FAM120B: variants seen among roughly 807,000 people sequenced by gnomAD.
FAM120B encodes the protein constitutive coactivator of peroxisome proliferator-activated receptor gamma.
A neutral mutation model predicts 96.3 loss-of-function variants in FAM120B; 83 were observed. The ratio of observed to expected loss-of-function variants is 0.86; its 90% confidence interval spans 0.72 to 1.03. The LOEUF (loss-of-function observed/expected upper bound fraction) is 1.03, where lower values mean the gene tolerates loss of function less well. Among genes scored for constraint, FAM120B ranks in the 50% least tolerant of loss-of-function variants. The pLI is 0.00. For missense variants in FAM120B, 1,027 were observed against 1,121.2 expected, an observed-to-expected ratio of 0.92 and a Z score of 1.20; for synonymous variants, 407 against 402.7, an observed-to-expected ratio of 1.01 and a Z score of -0.13.
chr6:170,393,189 T>C (rs1401248923), intron 8 of FAM120B, among the ~76,000 whole-genome samples: 1 of 148,986 alleles, frequency 6.7e-6, no homozygotes, highest in African/African-American at 2.5e-5. Context: ...TACACAGTCC[T>C]GCAGGGTTCC....
At chr6:170,345,097 C>A (rs1787090305) in intron 4 of FAM120B, among the ~76,000 whole-genome samples, 2 of 152,298 alleles carry the variant, frequency 1.3e-5, no homozygotes, top group Non-Finnish European at 2.9e-5. Flanking sequence ...TCCTGTGGTG[C>A]CTGGCATGTG....
chr6:170,383,339 T>TA (rs1790020421), intron 6 of FAM120B, among the ~76,000 whole-genome samples: 1 of 152,200 alleles, frequency 6.6e-6, no homozygotes, highest in Non-Finnish European at 1.5e-5. Context: ...AATTCAAAAT[T>TA]AAAAATGTCG....
chr6:170,325,556 G>C (rs1785537908), intron 3 of FAM120B, among the ~76,000 whole-genome samples: 1 of 148,734 alleles, frequency 6.7e-6, no homozygotes, highest in African/African-American at 2.5e-5. Context: ...AAAAAAAGTA[G>C]TTGGCCGGGC....
Position 170,405,630 on chromosome 6 carries a change from A to C in FAM120B, c.*879A>C, listed in dbSNP as rs577199553. 2.6e-5 allele frequency: 4 copies of C among 152,374 alleles called. No homozygotes were observed. The highest frequency in any genetic ancestry group is 1.9e-4 in the East Asian group (1 of 5,190). The allele number at this position is 152,374 out of a possible 1,614,324, so 9.4% of individuals were successfully genotyped here. A position where few individuals can be genotyped will look rare whatever the true frequency, so the allele number is the denominator to read the frequency against. On this transcript the variant is annotated 3_prime_UTR_variant, in exon 11 of 11. Transcript: ENST00000476287. ...CTTTTCTAATCAGAAATTCTAATCA[A>C]ACATAAGTTTCCAACTATGTGTTCT...
At chr6:170,379,777 TA>T (rs1456000294) in intron 6 of FAM120B, among the ~76,000 whole-genome samples, 2 of 152,246 alleles carry the variant, frequency 1.3e-5, no homozygotes, top group African/African-American at 4.8e-5. Flanking sequence ...CAGGCTGCCA[TA>T]AAGATTGATA....
chr6:170,347,144 A>G (rs1254812590), intron 4 of FAM120B, among the ~76,000 whole-genome samples: 2 of 152,104 alleles, frequency 1.3e-5, no homozygotes, highest in Non-Finnish European at 2.9e-5. Context: ...AAAGAGAAGA[A>G]TTTCCTTTTT....
chr6:170,401,550 C>T (rs567499411), intron 9 of FAM120B, among the ~76,000 whole-genome samples: 8 of 152,222 alleles, frequency 5.3e-5, no homozygotes, highest in African/African-American at 1.9e-4. Flanking sequence ...GCCGCTGTCC[C>T]CTGCAGGAGC....
chr6:170,334,811 C>G (rs1032696687), intron 4 of FAM120B, among the ~76,000 whole-genome samples: 1 of 152,178 alleles, frequency 6.6e-6, no homozygotes, highest in African/African-American at 2.4e-5. Flanking sequence ...TTTATAGCCA[C>G]TTTCACTGTT....
chr6:170,330,979 G>A (rs1785991502), intron 4 of FAM120B: 1 of 160,896 alleles, frequency 6.2e-6, no homozygotes, highest in African/African-American at 2.4e-5. Context: ...ACCACTGAAA[G>A]CATATTTTGA....
At chr6:170,351,325 G>A (rs1005874425) in intron 5 of FAM120B, among the ~76,000 whole-genome samples, 14 of 152,092 alleles carry the variant, frequency 9.2e-5, no homozygotes, top group African/African-American at 3.4e-4. Flanking sequence ...GACTGATTGG[G>A]GTACCTGAAA....
rs995891150 is a variant in FAM120B, at chr6:170,404,888, G to A, written c.*137G>A. 1.7e-5 allele frequency: 7 copies of A among 410,330 alleles called. No individual in the cohort carries two copies. The Admixed American group carries it at 2.1e-4, about 12-fold the overall frequency. 25.4% of individuals were successfully genotyped at this position (410,330 alleles called of 1,614,324 possible). On this transcript the variant is annotated 3_prime_UTR_variant, in exon 11 of 11. Transcript: ENST00000476287. ...GGCCTCGCTTGCATGAAGAAGGAAC[G>A]ATGCCTTTTTCAATGGTGTCTCCCT...
At chr6:170,396,556 A>T (rs1320881907) in intron 9 of FAM120B, among the ~76,000 whole-genome samples, 1 of 152,202 alleles carries the variant, frequency 6.6e-6, no homozygotes, top group African/African-American at 2.4e-5. Context: ...TGTTTCCTTG[A>T]ATGAGCTTAA....
intron 6 of FAM120B, among the ~76,000 whole-genome samples, chr6:170,367,353 A>C (rs558549468): frequency 3.3e-5 from 5 of 152,394 alleles, no homozygotes; most frequent in Non-Finnish European, 4.4e-5. Flanking sequence ...AAAAAGTCAA[A>C]AGAATAATAT....
Position 170,376,960 on chromosome 6 carries a change from G to GCTGAC in FAM120B, c.2284-11327_2284-11326insCTGAC, listed in dbSNP as rs1562582830. Among the ~76,000 whole-genome samples, 178 of 118,544 alleles carry GCTGAC rather than the reference G, an allele frequency of 1.5e-3. 26 individuals are homozygous for GCTGAC. Among genetic ancestry groups the GCTGAC allele is most frequent in the African/African-American group, 5.8e-3 (163 of 27,946 alleles). The allele number at this position is 118,544 out of a possible 152,430, so 77.8% of individuals were successfully genotyped here. ...GACGCCTGGGAGAGCACGAGCTCAG[G>GCTGAC]GCTGCTCTGTGCTGTGCACACGCGT... is the stretch of plus-strand genomic sequence containing the variant. On this transcript the variant is annotated intron_variant, in intron 6 of 10. Transcript: ENST00000476287.
In FAM120B at chr6:170,323,073, A is replaced by C. The variant is rs570549179; in HGVS notation, c.1735-6A>C. On this transcript the variant is annotated splice_polypyrimidine_tract_variant and splice_region_variant and intron_variant, in intron 2 of 10. Coordinates refer to ENST00000476287, the MANE Select transcript of FAM120B (RefSeq NM_032448.3). ...AGAAATTCAGTTGTATTTAAATTTCAAACAGGTTGCTAGAACACATCACGT... is the reference window on the plus strand; with the variant it reads ...AGAAATTCAGTTGTATTTAAATTTCCAACAGGTTGCTAGAACACATCACGT... The C allele has an allele frequency of 3.1e-6, 5 of 1,594,830 alleles. No homozygotes were observed. The East Asian group carries it at 1.1e-4, about 36-fold the overall frequency.
At chr6:170,402,956 GA>G (rs1778662602) in intron 9 of FAM120B, among the ~76,000 whole-genome samples, 1 of 152,130 alleles carries the variant, frequency 6.6e-6, no homozygotes, top group African/African-American at 2.4e-5. Context: ...AGAAATCAAA[GA>G]GTGGTGATGC....
chr6:170,359,004 C>T (rs908726986), intron 6 of FAM120B, among the ~76,000 whole-genome samples: 19 of 152,152 alleles, frequency 1.2e-4, no homozygotes, highest in African/African-American at 4.3e-4. Context: ...GCCATCTGAT[C>T]GTGGTTATTG....
At chr6:170,297,647 A>G (rs1784047236) in intron 1 of FAM120B, among the ~76,000 whole-genome samples, 1 of 152,038 alleles carries the variant, frequency 6.6e-6, no homozygotes, top group Non-Finnish European at 1.5e-5. Context: ...GGTTATTGCA[A>G]CCTCTAATGT....
chr6:170,382,573 C>T (rs1051995063), intron 6 of FAM120B, among the ~76,000 whole-genome samples: 2 of 152,084 alleles, frequency 1.3e-5, no homozygotes, highest in African/African-American at 4.8e-5. Context: ...AAATGAATTA[C>T]CTGGGCATAA....
Sources: allele counts gnomAD v4.1 joint callset (sites outside exome capture counted in the v4.1 genomes callset), GRCh38; gene constraint gnomAD v4.1.1; transcripts MANE v1.5; gene names NCBI Gene and HGNC (gene_info 2026-07-23, HGNC 2026-07-21).